The following ZXDC variants were observed in gnomAD, a reference collection of about 807,000 sequenced individuals.
The protein encoded by ZXDC is ZXD family zinc finger C, also known as zinc finger protein ZXDC.
A neutral mutation model predicts 63.6 loss-of-function variants in ZXDC; 58 were observed. The observed-to-expected ratio is 0.91, with a 90% confidence interval of 0.74 to 1.13. The LOEUF is 1.13. ZXDC is among the 50% of genes most tolerant of loss of function. The pLI, the probability that ZXDC is intolerant of heterozygous loss-of-function variation, is 0.00. For missense variants in ZXDC, 1,133 were observed against 1,148.9 expected (o/e 0.99, Z 0.20); for synonymous variants, 561 against 496.1 (o/e 1.13, Z -1.74).
intron 7 of ZXDC, chr3:126,453,242 G>A (rs563127327): frequency 1.8e-5 from 18 of 985,034 alleles, no homozygotes; most frequent in Non-Finnish European, 2.2e-5. Context: ...TTTATCTCTA[G>A]GTATTCCAAA....
At chr3:126,469,707 TG>T (rs1195578770) in intron 4 of ZXDC, among the ~76,000 whole-genome samples, 3 of 152,170 alleles carry the variant, frequency 2.0e-5, no homozygotes, top group Non-Finnish European at 4.4e-5. Flanking sequence ...ACGTGTCTGG[TG>T]CTCTCCCCTC....
At chr3:126,452,852 C>T (rs1934158688) in intron 7 of ZXDC, 1 of 266,486 alleles carries the variant, frequency 3.8e-6, no homozygotes, top group African/African-American at 2.3e-5. Context: ...GATTCTTCCG[C>T]CTCAGTCTCC....
intron 7 of ZXDC, chr3:126,452,683 A>C (rs1934151265): frequency 3.7e-6 from 2 of 541,094 alleles, no homozygotes; most frequent in Non-Finnish European, 4.7e-6. Flanking sequence ...CCAGATCCTA[A>C]GTGTGTTTTA....
At chr3:126,468,500 T>C (rs1934861831) in intron 4 of ZXDC, among the ~76,000 whole-genome samples, 1 of 152,158 alleles carries the variant, frequency 6.6e-6, no homozygotes, top group African/African-American at 2.4e-5. Flanking sequence ...CATCTCCACG[T>C]GCTGCCCATA....
Position 126,472,247 on chromosome 3 carries a change from G to A in ZXDC, c.966C>T (p.Phe322=). The A allele has an allele frequency of 6.2e-7, 1 of 1,613,142 alleles. No homozygotes were observed. Among genetic ancestry groups the A allele is most frequent in the Non-Finnish European group, 8.5e-7 (1 of 1,179,102 alleles). Residue 322 remains phenylalanine, a synonymous_variant, in exon 2 of 10, where the codon TTC becomes TTT. Transcript: ENST00000389709. ...AGCAGGAAAAGAGCTCTTGTTCCCT[G>A]AAGTGGGCTCGGTTATGGGAAAACA... ...SALFSHNRAH[F]REQELFSCSF...
rs114097549 is a variant in ZXDC at position 126,441,605 on chromosome 3, G to A, written c.2394+160C>T. 854 of 1,355,768 alleles carry A rather than the reference G, an allele frequency of 6.3e-4. 5 individuals carry two copies. The African/African-American group carries it at 0.012, about 19-fold the overall frequency. 84.0% of individuals were successfully genotyped at this position (1,355,768 alleles called of 1,614,324 possible). A position where few individuals can be genotyped will look rare whatever the true frequency, so the allele number is the denominator to read the frequency against. On this transcript the variant is annotated intron_variant, in intron 8 of 9. Coordinates refer to ENST00000389709, the MANE Select transcript of ZXDC (RefSeq NM_025112.5). ...AAAAAGGGAGGAGCTGGGCTGTGAG[G>A]AGACAGGACTTGGGGCAGTCTACAG...
At chr3:126,467,080 A>C (rs985783980) in intron 4 of ZXDC, among the ~76,000 whole-genome samples, 1 of 152,156 alleles carries the variant, frequency 6.6e-6, no homozygotes, top group Non-Finnish European at 1.5e-5. Flanking sequence ...GGCAGAAGGA[A>C]GTCAGTGCCA....
At chr3:126,444,721 T>C (rs910984317) in intron 7 of ZXDC, among the ~76,000 whole-genome samples, 59 of 152,182 alleles carry the variant, frequency 3.9e-4, no homozygotes, top group African/African-American at 1.4e-3. Context: ...CAATGCCAAA[T>C]GTGTACGCCA....
intron 6 of ZXDC, 53 bp downstream of exon 6, chr3:126,461,482 C>T (rs769552793): frequency 1.4e-5 from 22 of 1,542,430 alleles, no homozygotes; most frequent in African/African-American, 5.5e-5. Flanking sequence ...TCCTCAAGAC[C>T]GAGTATGAGA....
chr3:126,464,711 AG>A (rs555734584), intron 5 of ZXDC, among the ~76,000 whole-genome samples: 2 of 152,094 alleles, frequency 1.3e-5, no homozygotes, highest in Non-Finnish European at 2.9e-5. Context: ...ACGGCCAAAC[AG>A]GGGAGAGGCC....
chr3:126,451,467 ATG>A, intron 7 of ZXDC: 4 of 985,448 alleles, frequency 4.1e-6, no homozygotes, highest in Non-Finnish European at 4.8e-6. Flanking sequence ...AATTCAAAAA[ATG>A]TAATTGTAAG....
intron 1 of ZXDC, among the ~76,000 whole-genome samples, chr3:126,474,227 G>A (rs998841963): frequency 3.9e-5 from 6 of 152,056 alleles, no homozygotes; most frequent in African/African-American, 4.8e-5. Flanking sequence ...ACCACGCCCG[G>A]CTAATTTTTT....
chr3:126,441,961 A>G lies in ZXDC; in HGVS notation c.2213-15T>C. ...CTGTGAGGCTCCTAAAATGAAATAT[A>G]AAAACGAGCACACCCAATCTACAAT... On this transcript the variant is annotated splice_polypyrimidine_tract_variant and intron_variant, in intron 7 of 9. Coordinates refer to ENST00000389709, the MANE Select transcript of ZXDC (RefSeq NM_025112.5). 6.3e-7 allele frequency: 1 copy of G among 1,578,266 alleles called. No homozygotes were observed. The highest frequency in any genetic ancestry group is 2.3e-5 in the East Asian group (1 of 44,316).
At chr3:126,462,454 C>A (rs901042452) in intron 5 of ZXDC, among the ~76,000 whole-genome samples, 1 of 152,138 alleles carries the variant, frequency 6.6e-6, no homozygotes, top group Non-Finnish European at 1.5e-5. Flanking sequence ...ACTTTACGTA[C>A]GCGTCTTGGA....
chr3:126,459,789 T>C, intron 6 of ZXDC, 52 bp from the exon 7 acceptor site: 1 of 1,613,594 alleles, frequency 6.2e-7, no homozygotes, highest in Non-Finnish European at 8.5e-7. Flanking sequence ...AAAGGAAGGG[T>C]AGCAAGGGAG....
intron 7 of ZXDC, chr3:126,459,312 C>T (rs1576677499): frequency 1.0e-6 from 1 of 985,462 alleles, no homozygotes; most frequent in Non-Finnish European, 1.2e-6. Context: ...GATCAGGCCC[C>T]AAGGCCATTC....
In ZXDC at chr3:126,444,810, G is replaced by A. The variant is rs114745036; in HGVS notation, c.2213-2864C>T. Among the ~76,000 whole-genome samples the A allele has an allele frequency of 6.3e-3, 963 of 152,312 alleles. 10 individuals carry two copies. Among genetic ancestry groups the A allele is most frequent in the African/African-American group, 0.022 (914 of 41,570 alleles). ...GCAAAATGTGTGCTAGAATGTATGT[G>A]CCATTCGAATCATGGGAAAATCAGA... On this transcript the variant is annotated intron_variant, in intron 7 of 9. Coordinates refer to ENST00000389709, the MANE Select transcript of ZXDC (RefSeq NM_025112.5).
chr3:126,454,167 A>G, intron 7 of ZXDC: 1 of 975,644 alleles, frequency 1.0e-6, no homozygotes, highest in Non-Finnish European at 1.2e-6. Flanking sequence ...GATCTGTTAA[A>G]TCAACTTTAT....
chr3:126,473,159 T>C (rs1473835374), intron 1 of ZXDC, among the ~76,000 whole-genome samples: 1 of 152,208 alleles, frequency 6.6e-6, no homozygotes, highest in Non-Finnish European at 1.5e-5. Context: ...GGCCTCAATC[T>C]GGTCCCAAAA....
Sources: allele counts gnomAD v4.1 joint callset (sites outside exome capture counted in the v4.1 genomes callset), GRCh38; gene constraint gnomAD v4.1.1; transcripts MANE v1.5; gene names NCBI Gene and HGNC (gene_info 2026-07-23, HGNC 2026-07-21).